F3: variants seen among roughly 807,000 people sequenced by gnomAD.
F3 encodes tissue factor.
In F3, 18 loss-of-function variants were observed where a neutral mutation model predicts 33.5. That is an observed-to-expected ratio of 0.54 (90% CI 0.37 to 0.80). The LOEUF (loss-of-function observed/expected upper bound fraction) is 0.80. Ranked by LOEUF, F3 falls within the 30% of genes least tolerant of loss-of-function variation. The probability of loss-of-function intolerance (pLI) is 0.00; values close to 1 mark genes in which losing one functional copy is unlikely to be tolerated. For missense variants in F3, 353 were observed against 362.1 expected, an observed-to-expected ratio of 0.97 and a Z score of 0.20; for synonymous variants, 147 against 140.7, an observed-to-expected ratio of 1.05 and a Z score of -0.32.
At chr1:94,540,133 TC>T (rs1651729591) in intron 2 of F3, 123 bp downstream of exon 2, 1 of 715,908 alleles carries the variant, frequency 1.4e-6, no homozygotes, top group South Asian at 1.7e-5. Context: ...TTGCCAAGAA[TC>T]CCTTCTTCTT....
chr1:94,540,417 C>T (rs1394346592), intron 1 of F3, 49 bp from the exon 2 acceptor site: 9 of 1,267,598 alleles, frequency 7.1e-6, no homozygotes, highest in Non-Finnish European at 9.2e-6. Context: ...TCAGAGCACT[C>T]GAATGTATTG....
Position 94,540,317 on chromosome 1 carries a change from A to C in F3, c.152T>G (p.Phe51Cys). 6.2e-7 allele frequency: 1 copy of C among 1,614,108 alleles called. No homozygotes were observed. The highest frequency in any genetic ancestry group is 1.3e-5 in the African/African-American group (1 of 75,044). ...AYNLTWKSTN[F>C]KTILEWEPKP... Reference sequence around the variant, plus strand: ...GGGTTCCCACTCCAAAATTGTCTTGAAATTAGTTGATTTCCAAGTTAAATT... The same window carrying C: ...GGGTTCCCACTCCAAAATTGTCTTGCAATTAGTTGATTTCCAAGTTAAATT... Residue 51 changes from phenylalanine to cysteine, a missense_variant, in exon 2 of 6, where the codon TTC (phenylalanine) becomes TGC (cysteine). By Grantham distance (205) the Phe-to-Cys change is radical (BLOSUM62 -2). Coordinates refer to ENST00000334047, the MANE Select transcript of F3 (RefSeq NM_001993.5).
At chr1:94,532,712 C>T (rs1043924084) in intron 4 of F3, among the ~76,000 whole-genome samples, 4 of 152,206 alleles carry the variant, frequency 2.6e-5, no homozygotes, top group African/African-American at 9.6e-5. Context: ...TATTGAGCCC[C>T]TTTAGAAGAT....
chr1:94,540,092 G>T (rs575216099), intron 2 of F3, among the ~76,000 whole-genome samples, 165 bp downstream of exon 2: 1 of 152,316 alleles, frequency 6.6e-6, no homozygotes, highest in African/African-American at 2.4e-5. Flanking sequence ...AAATGTTGCA[G>T]GCCTAATAGA....
In F3 at chr1:94,529,601, A is replaced by C. The variant is rs1651352186; in HGVS notation, c.*859T>G. 1 of 152,576 alleles carries C rather than the reference A, an allele frequency of 6.6e-6. No individual in the cohort carries two copies. The highest frequency in any genetic ancestry group is 1.5e-5 in the Non-Finnish European group (1 of 68,036). 9.5% of individuals were successfully genotyped at this position (152,576 alleles called of 1,614,324 possible). On this transcript the variant is annotated 3_prime_UTR_variant, in exon 6 of 6. Coordinates refer to ENST00000334047, the MANE Select transcript of F3 (RefSeq NM_001993.5). ...ATATTAGGAAGGTGCCCAGAATACC[A>C]ATGTCTCCTGCACTTAACACATTAA...
In F3 at chr1:94,538,535, A is replaced by G. The variant is rs187678060; in HGVS notation, c.212+1722T>C. On this transcript the variant is annotated intron_variant, in intron 2 of 5. Transcript: ENST00000334047. ...GGCCAACTGAGGAGATGCAGTGGGCAAGACTTTCCTTCTTCCTCCCGCTTT... is the reference window on the plus strand; with the variant it reads ...GGCCAACTGAGGAGATGCAGTGGGCGAGACTTTCCTTCTTCCTCCCGCTTT... Among the ~76,000 whole-genome samples the G allele has an allele frequency of 2.0e-5, 3 of 152,348 alleles. No individual in the cohort carries two copies. The East Asian group carries it at 5.8e-4, about 29-fold the overall frequency.
Position 94,541,693 on chromosome 1 carries a change from G to T in F3, c.-57C>A, listed in dbSNP as rs541393932. The T allele has an allele frequency of 2.4e-5, 30 of 1,227,098 alleles. No homozygotes were observed. In the East Asian group the frequency reaches 9.0e-4, roughly 37 times the overall value. 76.0% of individuals were successfully genotyped at this position (1,227,098 alleles called of 1,614,324 possible). On this transcript the variant is annotated 5_prime_UTR_variant, in exon 1 of 6. Transcript: ENST00000334047. Reference sequence around the variant, plus strand: ...TCCGTGGCGCCCGTGGGGCTGGGGAGGTTGGGCTGAAGGCGCCCTGGGCCG... The same window carrying T: ...TCCGTGGCGCCCGTGGGGCTGGGGATGTTGGGCTGAAGGCGCCCTGGGCCG...
chr1:94,533,608 T>C (rs1651499717), intron 3 of F3, among the ~76,000 whole-genome samples: 1 of 152,234 alleles, frequency 6.6e-6, no homozygotes, highest in African/African-American at 2.4e-5. Flanking sequence ...TTGAACTCTG[T>C]GGATCCACTT....
At chr1:94,534,582 G>C (rs1651540021) in intron 3 of F3, among the ~76,000 whole-genome samples, 2 of 152,164 alleles carry the variant, frequency 1.3e-5, no homozygotes, top group Admixed American at 6.5e-5. Context: ...ACTGAACAGG[G>C]TGGTAGCATA....
chr1:94,532,490 G>A lies in F3; in HGVS notation c.592-10C>T, dbSNP rs891399486. ...TTGTTTTGGCTGTTTTCTGTAAAAA[G>A]ATAGAGTTCTTAATTCATCTGGGCT... On this transcript the variant is annotated splice_polypyrimidine_tract_variant and intron_variant, in intron 4 of 5. Coordinates refer to ENST00000334047, the MANE Select transcript of F3 (RefSeq NM_001993.5). The A allele has an allele frequency of 2.5e-6, 4 of 1,613,544 alleles. No homozygotes were observed. The highest frequency in any genetic ancestry group is 3.4e-6 in the Non-Finnish European group (4 of 1,179,760).
rs1444958398 is a variant in F3, at chr1:94,532,440, A to G, written c.632T>C (p.Val211Ala). The part of the protein sequence containing the change: ...KTNTNEFLID[V>A]DKGENYCFSV... ...GAAACAGTAGTTTTCTCCTTTATCC[A>G]CATCAATCAAAAACTCATTAGTGTT... is the stretch of plus-strand genomic sequence containing the variant. The change falls in exon 5 of 6, where the codon GTG (valine) becomes GCG (alanine). Residue 211 changes from valine to alanine, a missense_variant. Transcript: ENST00000334047. 1.9e-6 allele frequency: 3 copies of G among 1,613,962 alleles called. No homozygotes were observed. The African/African-American group carries it at 4.0e-5, about 22-fold the overall frequency.
chr1:94,531,553 G>A (rs1054771601), intron 5 of F3, among the ~76,000 whole-genome samples: 5 of 152,052 alleles, frequency 3.3e-5, no homozygotes, highest in Non-Finnish European at 5.9e-5. Context: ...TTGCCTGTCT[G>A]GGCCTCCCAA....
intron 3 of F3, among the ~76,000 whole-genome samples, chr1:94,534,519 G>C (rs1236379999): frequency 2.6e-5 from 4 of 152,136 alleles, no homozygotes; most frequent in Non-Finnish European, 4.4e-5. Flanking sequence ...TATACTTAGA[G>C]CATTAGCCAT....
At chr1:94,532,553 A>C in intron 4 of F3, 73 bp from the exon 5 acceptor site, 3 of 1,542,314 alleles carry the variant, frequency 1.9e-6, no homozygotes, top group Non-Finnish European at 2.6e-6. Flanking sequence ...GTCACTGTGG[A>C]AGTAAAAACC....
chr1:94,540,445 C>CTA, intron 1 of F3, 77 bp from the exon 2 acceptor site: 1 of 854,046 alleles, frequency 1.2e-6, no homozygotes, highest in Non-Finnish European at 1.9e-6. Flanking sequence ...AAACACCTTC[C>CTA]CACCTGACAT....
In F3 at chr1:94,532,357, C is replaced by T. The variant is rs748341823; in HGVS notation, c.715G>A (p.Val239Ile). The T allele has an allele frequency of 1.2e-6, 2 of 1,614,214 alleles. No individual in the cohort carries two copies. The highest frequency in any genetic ancestry group is 1.1e-5 in the South Asian group (1 of 91,088). ...CCTTTCTCCTGGCCCATACACTCTACCGGGCTGTCTGTACTCTTCCGGTTA... is the reference window on the plus strand; with the variant it reads ...CCTTTCTCCTGGCCCATACACTCTATCGGGCTGTCTGTACTCTTCCGGTTA... ...TVNRKSTDSP[V>I]ECMGQEKGEF... The change falls in exon 5 of 6, where the codon GTA (valine) becomes ATA (isoleucine). Residue 239 changes from valine (V) to isoleucine (I), a missense_variant. Val to Ile is a conservative substitution (Grantham distance 29). Coordinates refer to ENST00000334047, the MANE Select transcript of F3 (RefSeq NM_001993.5).
intron 2 of F3, among the ~76,000 whole-genome samples, chr1:94,539,857 C>T (rs371711333): frequency 3.3e-5 from 5 of 152,258 alleles, no homozygotes; most frequent in East Asian, 1.9e-4. Context: ...GGGATTCCTC[C>T]CCACCTCTTC....
At chr1:94,534,751 C>A (rs1651547795) in intron 3 of F3, among the ~76,000 whole-genome samples, 1 of 152,130 alleles carries the variant, frequency 6.6e-6, no homozygotes, top group Non-Finnish European at 1.5e-5. Context: ...CATCAATTCA[C>A]AGGCCAAATA....
chr1:94,535,624 G>A (rs1215709849), intron 3 of F3, among the ~76,000 whole-genome samples: 1 of 152,004 alleles, frequency 6.6e-6, no homozygotes, highest in Non-Finnish European at 1.5e-5. Context: ...TATATATAGG[G>A]AAAAGCTAAA....
Sources: allele counts gnomAD v4.1 joint callset (sites outside exome capture counted in the v4.1 genomes callset), GRCh38; gene constraint gnomAD v4.1.1; transcripts MANE v1.5; gene names NCBI Gene and HGNC (gene_info 2026-07-23, HGNC 2026-07-21).